Variants in RPS6KC1 observed in about 807,000 individuals in gnomAD.
RPS6KC1 encodes the protein inactive ribosomal protein S6 kinase delta-1.
RPS6KC1 carries 54 observed loss-of-function variants against 103.8 expected under a neutral mutation model. That is an observed-to-expected ratio of 0.52 (90% confidence interval 0.42 to 0.65). The LOEUF is 0.65. RPS6KC1 is among the 30% of genes least tolerant of loss of function. The probability of loss-of-function intolerance (pLI) is 0.00; values close to 1 mark genes in which losing one functional copy is unlikely to be tolerated. For missense variants in RPS6KC1, 1,151 were observed against 1,253.8 expected (o/e 0.92, Z 1.24); for synonymous variants, 439 against 438.7 (o/e 1.00, Z -0.01).
the RPS6KC1 span, among the ~76,000 whole-genome samples, chr1:213,634,194 T>C: frequency 1.3e-5 from 2 of 152,044 alleles, no homozygotes; most frequent in East Asian, 1.9e-4. Flanking sequence ...AACAAGGATA[T>C]CCAGGACTTG....
intron 4 of RPS6KC1, among the ~76,000 whole-genome samples, chr1:213,116,498 CTT>C (rs1188060872): frequency 5.8e-4 from 61 of 104,926 alleles, no homozygotes; most frequent in African/African-American, 2.3e-3. Flanking sequence ...GGTCTTGACT[CTT>C]TATCCAATTT....
At chr1:213,363,675 T>TTTCTTTCTTTCTTTCTTTCTTTCC in the RPS6KC1 span, among the ~76,000 whole-genome samples, 1 of 96,070 alleles carries the variant, frequency 1.0e-5, no homozygotes, top group African/African-American at 5.8e-5. Flanking sequence ...TCTTTCTTTC[T>TTTCTTTCTTTCTTTCTTTCTTTCC]TTCTTTCTTT....
chr1:213,573,705 A>AAGTGCT, the RPS6KC1 span, among the ~76,000 whole-genome samples: 1 of 152,260 alleles, frequency 6.6e-6, no homozygotes, highest in Non-Finnish European at 1.5e-5. Flanking sequence ...TGATATCAAG[A>AAGTGCT]AGTGCTTCTG....
chr1:213,504,626 C>G, the RPS6KC1 span, among the ~76,000 whole-genome samples: 2 of 152,194 alleles, frequency 1.3e-5, no homozygotes, highest in Non-Finnish European at 2.9e-5. Context: ...GAAAATGTAA[C>G]ACTTACTTAA....
the RPS6KC1 span, among the ~76,000 whole-genome samples, chr1:213,491,648 C>T: frequency 1.3e-5 from 2 of 152,120 alleles, no homozygotes; most frequent in Non-Finnish European, 2.9e-5. Context: ...TCAGAGCTGG[C>T]GAACAGGTGA....
chr1:213,359,360 C>T, the RPS6KC1 span, among the ~76,000 whole-genome samples: 2 of 152,182 alleles, frequency 1.3e-5, no homozygotes, highest in Non-Finnish European at 2.9e-5. Flanking sequence ...TCTGTTTTAT[C>T]AGAGACTAGG....
chr1:213,623,916 T>C, the RPS6KC1 span, among the ~76,000 whole-genome samples: 1 of 152,114 alleles, frequency 6.6e-6, no homozygotes, highest in Admixed American at 6.5e-5. Flanking sequence ...CACTGGGCAG[T>C]GAGGGGCAAA....
the RPS6KC1 span, among the ~76,000 whole-genome samples, chr1:213,283,946 A>G: frequency 6.6e-6 from 1 of 152,200 alleles, no homozygotes; most frequent in African/African-American, 2.4e-5. Flanking sequence ...AAAAATGCAC[A>G]ACAGAAAAGA....
chr1:213,229,324 A>G (rs536065907), intron 8 of RPS6KC1, among the ~76,000 whole-genome samples: 1 of 152,230 alleles, frequency 6.6e-6, no homozygotes, highest in Admixed American at 6.5e-5. Context: ...TTCAAGCTTA[A>G]CATCTTTTTT....
At chr1:213,410,094 G>A in the RPS6KC1 span, among the ~76,000 whole-genome samples, 4 of 152,230 alleles carry the variant, frequency 2.6e-5, no homozygotes, top group Admixed American at 2.6e-4. Flanking sequence ...GTTTGAGGCT[G>A]CAGTGAGCTG....
chr1:213,578,874 TA>T, the RPS6KC1 span, among the ~76,000 whole-genome samples: 8 of 152,030 alleles, frequency 5.3e-5, no homozygotes, highest in African/African-American at 1.9e-4. Context: ...TTGGGGGACT[TA>T]GGAAGTCCCA....
chr1:213,416,797 T>A, the RPS6KC1 span, among the ~76,000 whole-genome samples: 1 of 151,948 alleles, frequency 6.6e-6, no homozygotes, highest in Non-Finnish European at 1.5e-5. Flanking sequence ...ACCCTTCCAC[T>A]CCCCTCTTCC....
the RPS6KC1 span, among the ~76,000 whole-genome samples, chr1:213,681,298 C>T: frequency 6.6e-6 from 1 of 152,238 alleles, no homozygotes; most frequent in South Asian, 2.1e-4. Flanking sequence ...TCAGTAGAGT[C>T]TGTCTCCATA....
intron 6 of RPS6KC1, among the ~76,000 whole-genome samples, chr1:213,163,010 A>G (rs1206788799): frequency 2.6e-5 from 4 of 152,188 alleles, no homozygotes; most frequent in Non-Finnish European, 5.9e-5. Flanking sequence ...AGAACTATAA[A>G]TTACTGTTCT....
the RPS6KC1 span, among the ~76,000 whole-genome samples, chr1:213,292,419 G>A: frequency 9.2e-5 from 14 of 152,198 alleles, no homozygotes; most frequent in South Asian, 6.2e-4. Flanking sequence ...TTGTTTAATC[G>A]TATGTGAATT....
chr1:213,281,565 T>A, the RPS6KC1 span, among the ~76,000 whole-genome samples: 1 of 152,220 alleles, frequency 6.6e-6, no homozygotes, highest in African/African-American at 2.4e-5. Context: ...TTATAGACTG[T>A]GATCTGCATC....
the RPS6KC1 span, among the ~76,000 whole-genome samples, chr1:213,837,866 T>A: frequency 1.7e-3 from 253 of 152,328 alleles, 1 homozygote; most frequent in Admixed American, 4.4e-3. Flanking sequence ...CCTTTTTTTT[T>A]AAACAAAGCT....
chr1:213,155,462 G>T (rs533441100), intron 6 of RPS6KC1, among the ~76,000 whole-genome samples: 1 of 152,316 alleles, frequency 6.6e-6, no homozygotes, highest in Admixed American at 6.5e-5. Context: ...TCTGGCTAGA[G>T]TGGGTTTAAA....
the RPS6KC1 span, among the ~76,000 whole-genome samples, chr1:213,382,917 G>A: frequency 3.3e-5 from 5 of 152,230 alleles, no homozygotes; most frequent in African/African-American, 1.2e-4. Flanking sequence ...CATTTTGGTG[G>A]AAGGCAGGAC....
Sources: gnomAD v4.1 joint callset for allele counts (sites outside exome capture counted in the v4.1 genomes callset) on GRCh38, gnomAD v4.1.1 for gene constraint, MANE v1.5 for transcripts, NCBI Gene and HGNC (gene_info 2026-07-23, HGNC 2026-07-21) for gene names.